LRP1B: variants seen among roughly 807,000 people sequenced by gnomAD.
LRP1B encodes low-density lipoprotein receptor-related protein 1B.
A neutral mutation model predicts 556.6 loss-of-function variants in LRP1B; 217 were observed. That is an observed-to-expected ratio of 0.39 (90% CI 0.35 to 0.44). LRP1B has a LOEUF of 0.44. LRP1B is among the 20% of genes least tolerant of loss of function. The pLI is 1.00. For synonymous variants in LRP1B, 2,047 were observed against 1,865.8 expected, an observed-to-expected ratio of 1.10 and a Z score of -2.50; for missense variants, 5,053 against 5,620.8, an observed-to-expected ratio of 0.90 and a Z score of 3.23.
intron 41 of LRP1B, among the ~76,000 whole-genome samples, chr2:140,670,847 A>C (rs1444105807): frequency 6.6e-6 from 1 of 152,208 alleles, no homozygotes. Context: ...GGAAGTCAAT[A>C]AATAATGCAT....
At chr2:140,375,775 A>C (rs561759330) in intron 68 of LRP1B, among the ~76,000 whole-genome samples, 1 of 152,090 alleles carries the variant, frequency 6.6e-6, no homozygotes, top group Non-Finnish European at 1.5e-5. Flanking sequence ...TGTAGAGCAA[A>C]AATATTATAA....
intron 18 of LRP1B, among the ~76,000 whole-genome samples, chr2:140,969,828 T>A (rs970219083): frequency 1.5e-4 from 23 of 152,166 alleles, no homozygotes; most frequent in Non-Finnish European, 2.8e-4. Context: ...AAAATTCTTT[T>A]AAGAATGTTG....
chr2:141,849,406 C>T (rs962868608), intron 1 of LRP1B, among the ~76,000 whole-genome samples: 1 of 151,602 alleles, frequency 6.6e-6, no homozygotes, highest in East Asian at 1.9e-4. Context: ...ATGGCGTTGA[C>T]TTCGGCTTAA....
At chr2:142,077,906 GT>G (rs917568624) in intron 1 of LRP1B, among the ~76,000 whole-genome samples, 1 of 152,080 alleles carries the variant, frequency 6.6e-6, no homozygotes, top group African/African-American at 2.4e-5. Context: ...TTACAGAACC[GT>G]ATTACTCGAA....
chr2:141,209,240 C>G (rs1009054021), intron 6 of LRP1B, among the ~76,000 whole-genome samples: 1 of 152,108 alleles, frequency 6.6e-6, no homozygotes. Context: ...GGGAGGTAGT[C>G]GAATCATGAG....
chr2:141,362,538 C>T (rs1688863495), intron 3 of LRP1B, among the ~76,000 whole-genome samples: 1 of 152,196 alleles, frequency 6.6e-6, no homozygotes, highest in Non-Finnish European at 1.5e-5. Flanking sequence ...TGGTACAATG[C>T]TTATTGCATC....
intron 1 of LRP1B, among the ~76,000 whole-genome samples, chr2:142,083,982 C>T (rs1242081695): frequency 6.7e-6 from 1 of 149,796 alleles, no homozygotes; most frequent in East Asian, 2.0e-4. Flanking sequence ...TTTCTCTATG[C>T]CTTTTTTTTT....
chr2:140,361,768 T>A (rs1302733055), intron 72 of LRP1B, among the ~76,000 whole-genome samples: 1 of 151,468 alleles, frequency 6.6e-6, no homozygotes, highest in Non-Finnish European at 1.5e-5. Flanking sequence ...TAATCTTGAA[T>A]ATTCCATTGT....
intron 2 of LRP1B, among the ~76,000 whole-genome samples, chr2:141,696,699 G>A (rs1361093536): frequency 3.3e-5 from 5 of 151,908 alleles, no homozygotes; most frequent in African/African-American, 1.2e-4. Flanking sequence ...GCAGACAATG[G>A]GGAAGAACCA....
chr2:140,801,234 A>G (rs1254863327), intron 32 of LRP1B, among the ~76,000 whole-genome samples: 27 of 152,180 alleles, frequency 1.8e-4, no homozygotes, highest in Admixed American at 1.8e-3. Flanking sequence ...ACTCCACTGT[A>G]TTAGGAAAAT....
chr2:142,053,912 C>T (rs1704562563), intron 1 of LRP1B, among the ~76,000 whole-genome samples: 1 of 152,066 alleles, frequency 6.6e-6, no homozygotes, highest in Non-Finnish European at 1.5e-5. Context: ...CAAGAGTATA[C>T]ATAATTGGGA....
At chr2:141,768,756 C>T (rs1337549040) in intron 2 of LRP1B, among the ~76,000 whole-genome samples, 2 of 151,816 alleles carry the variant, frequency 1.3e-5, no homozygotes, top group Non-Finnish European at 2.9e-5. Flanking sequence ...CATTTCTAGT[C>T]TATATATTTG....
chr2:141,088,500 C>T (rs1389311289), intron 7 of LRP1B, among the ~76,000 whole-genome samples: 4 of 152,102 alleles, frequency 2.6e-5, no homozygotes, highest in Admixed American at 2.0e-4. Context: ...GAGAAACACA[C>T]CTGAAACGTG....
intron 27 of LRP1B, among the ~76,000 whole-genome samples, chr2:140,859,727 G>T (rs543316600): frequency 7.6e-4 from 115 of 152,232 alleles, no homozygotes; most frequent in Non-Finnish European, 1.3e-3. Context: ...GTGTGCGGTG[G>T]CTCCCGACTG....
At chr2:140,480,083 A>G (rs549650613) in intron 59 of LRP1B, among the ~76,000 whole-genome samples, 1 of 152,340 alleles carries the variant, frequency 6.6e-6, no homozygotes, top group Admixed American at 6.5e-5. Flanking sequence ...TGATTAAGAC[A>G]TGACCTTTGT....
At chr2:140,253,464 G>T (rs1183382799) in intron 86 of LRP1B, among the ~76,000 whole-genome samples, 1 of 151,994 alleles carries the variant, frequency 6.6e-6, no homozygotes, top group African/African-American at 2.4e-5. Flanking sequence ...AAACATAAAA[G>T]AAGATAAAAT....
At chr2:141,396,904 G>A (rs1290891290) in intron 3 of LRP1B, among the ~76,000 whole-genome samples, 11 of 151,748 alleles carry the variant, frequency 7.2e-5, no homozygotes, top group Non-Finnish European at 1.6e-4. Context: ...ACTGAGGTCG[G>A]GAGTTTGAGA....
At chr2:141,650,792 CT>C (rs36044739) in intron 2 of LRP1B, among the ~76,000 whole-genome samples, 12,080 of 152,134 alleles carry the variant, frequency 0.079, 737 homozygotes, top group African/African-American at 0.16. Flanking sequence ...GAATATAACC[CT>C]CAATATCTTT....
chr2:141,120,692 A>G (rs1353213747), intron 7 of LRP1B, among the ~76,000 whole-genome samples: 2 of 151,956 alleles, frequency 1.3e-5, no homozygotes, highest in Non-Finnish European at 2.9e-5. Flanking sequence ...TTATTTTTCT[A>G]AAGTAGGTCT....
Sources: allele counts gnomAD v4.1 joint callset (sites outside exome capture counted in the v4.1 genomes callset), GRCh38; gene constraint gnomAD v4.1.1; transcripts MANE v1.5; gene names NCBI Gene and HGNC (gene_info 2026-07-23, HGNC 2026-07-21).